Variants in UNC5C observed in about 807,000 individuals in gnomAD.
UNC5C encodes unc-5 netrin receptor C.
Under a neutral mutation model 99.8 loss-of-function variants are expected in UNC5C, and 47 were observed. The ratio of observed to expected loss-of-function variants is 0.47; its 90% confidence interval spans 0.37 to 0.60. The LOEUF (loss-of-function observed/expected upper bound fraction) is 0.60. Among genes scored for constraint, UNC5C ranks in the 20% least tolerant of loss-of-function variants. The probability of loss-of-function intolerance (pLI) is 0.00; values close to 1 mark genes in which losing one functional copy is unlikely to be tolerated. For missense variants in UNC5C, 1,062 were observed against 1,165.9 expected (o/e 0.91, Z 1.30); for synonymous variants, 487 against 452.2 (o/e 1.08, Z -0.98).
intron 1 of UNC5C, among the ~76,000 whole-genome samples, chr4:95,463,751 T>G (rs1048056889): frequency 1.3e-5 from 2 of 152,198 alleles, no homozygotes; most frequent in African/African-American, 4.8e-5. Context: ...ATCAATTCAT[T>G]TATTCAATAG....
intron 1 of UNC5C, among the ~76,000 whole-genome samples, chr4:95,488,415 G>A (rs1314880564): frequency 1.3e-5 from 2 of 151,714 alleles, no homozygotes; most frequent in Non-Finnish European, 2.9e-5. Context: ...CCAGCTCTCC[G>A]TAGCTTTTTA....
At chr4:95,511,729 C>G (rs929932999) in intron 1 of UNC5C, among the ~76,000 whole-genome samples, 6 of 152,074 alleles carry the variant, frequency 3.9e-5, no homozygotes, top group African/African-American at 1.4e-4. Flanking sequence ...ATCAACACTC[C>G]CTTCCCTTGA....
chr4:95,192,415 CTCACCTCCTCCCCTGT>C (rs1347375992), intron 12 of UNC5C, among the ~76,000 whole-genome samples: 2 of 116,114 alleles, frequency 1.7e-5, no homozygotes, highest in Non-Finnish European at 3.5e-5. Flanking sequence ...CTCCCCCCTT[CTCACCTCCTCCCCTGT>C]TCACCTCCTC....
Position 95,527,004 on chromosome 4 carries a change from G to A in UNC5C, c.124+21730C>T, listed in dbSNP as rs187477560. 1.4e-3 allele frequency among the ~76,000 whole-genome samples: 214 copies of A among 152,162 alleles called. 1 individual carries two copies. The highest frequency in any genetic ancestry group is 2.3e-3 in the Non-Finnish European group (157 of 67,922). ...CATGTCTTTAATACAGGCATAGTAT[G>A]ATAGCTTTTTAGGATAAAGTTTCAA... On this transcript the variant is annotated intron_variant, in intron 1 of 15. Coordinates refer to ENST00000453304, the MANE Select transcript of UNC5C (RefSeq NM_003728.4).
chr4:95,259,031 G>C (rs1740120674), intron 4 of UNC5C, among the ~76,000 whole-genome samples: 2 of 151,848 alleles, frequency 1.3e-5, no homozygotes, highest in South Asian at 4.2e-4. Flanking sequence ...AAAGTGCTGG[G>C]ATTACAGGCG....
intron 1 of UNC5C, among the ~76,000 whole-genome samples, chr4:95,352,664 G>T (rs1579350498): frequency 6.6e-6 from 1 of 152,076 alleles, no homozygotes; most frequent in Non-Finnish European, 1.5e-5. Context: ...CAGACTACAA[G>T]ATCGTTCAAA....
At position 95,267,949 on chromosome 4, in the gene UNC5C, A is replaced by ATTTTTTTTTTTTTTTTTTTTTTTTTTTT. The variant is rs869293955; in HGVS notation, c.594+10309_594+10310insAAAAAAAAAAAAAAAAAAAAAAAAAAAA. Among the ~76,000 whole-genome samples, 22 of 117,568 alleles carry ATTTTTTTTTTTTTTTTTTTTTTTTTTTT rather than the reference A, an allele frequency of 1.9e-4. 1 individual carries two copies. The highest frequency in any genetic ancestry group is 7.2e-4 in the African/African-American group (21 of 29,166). The allele number at this position is 117,568 out of a possible 152,430, so 77.1% of individuals were successfully genotyped here. The stretch of plus-strand genomic sequence containing the variant: ...ATGATCCTGTAGGCTGAATTTTGTG[A>ATTTTTTTTTTTTTTTTTTTTTTTTTTTT]TTTTTTTTTTTTTTTTTTGAGACGG... On this transcript the variant is annotated intron_variant, in intron 4 of 15. Transcript: ENST00000453304.
intron 4 of UNC5C, among the ~76,000 whole-genome samples, chr4:95,251,871 T>G (rs1446949227): frequency 6.7e-6 from 1 of 149,390 alleles, no homozygotes; most frequent in Non-Finnish European, 1.5e-5. Flanking sequence ...GAAGCCAACA[T>G]TTATAGAGAA....
chr4:95,542,512 A>G (rs924406396), intron 1 of UNC5C, among the ~76,000 whole-genome samples: 1 of 152,110 alleles, frequency 6.6e-6, no homozygotes, highest in African/African-American at 2.4e-5. Flanking sequence ...CTTTAACACT[A>G]TGTACTCCAT....
At chr4:95,192,443 C>G (rs1560723996) in intron 12 of UNC5C, among the ~76,000 whole-genome samples, 1 of 129,648 alleles carries the variant, frequency 7.7e-6, no homozygotes, top group Admixed American at 7.6e-5. Flanking sequence ...CACCTCCTCC[C>G]CTTCTCATCT....
At chr4:95,237,141 AT>A (rs557865114) in intron 7 of UNC5C, among the ~76,000 whole-genome samples, 7 of 152,068 alleles carry the variant, frequency 4.6e-5, no homozygotes, top group Non-Finnish European at 8.8e-5. Flanking sequence ...TAATTGTTGT[AT>A]TTTTTTATTG....
chr4:95,308,685 G>C (rs75277963), intron 2 of UNC5C, among the ~76,000 whole-genome samples: 49 of 145,434 alleles, frequency 3.4e-4, no homozygotes, highest in African/African-American at 1.2e-3. Flanking sequence ...CTGAGAGGTG[G>C]AGGTTTCAGT....
At chr4:95,346,289 A>C (rs556853562) in intron 1 of UNC5C, among the ~76,000 whole-genome samples, 84 of 152,152 alleles carry the variant, frequency 5.5e-4, no homozygotes, top group Non-Finnish European at 9.9e-4. Context: ...AGAAGTAATA[A>C]AAAGTCTCCC....
intron 1 of UNC5C, among the ~76,000 whole-genome samples, chr4:95,343,243 G>T (rs925501730): frequency 6.6e-6 from 1 of 152,082 alleles, no homozygotes; most frequent in Non-Finnish European, 1.5e-5. Context: ...ACCCAGCATT[G>T]TCCCAGTGTT....
intron 1 of UNC5C, among the ~76,000 whole-genome samples, chr4:95,508,667 G>A (rs1202230890): frequency 2.6e-5 from 4 of 151,858 alleles, no homozygotes; most frequent in Non-Finnish European, 5.9e-5. Flanking sequence ...AGTCTAGTTT[G>A]TTCCCAAAAA....
intron 1 of UNC5C, among the ~76,000 whole-genome samples, chr4:95,433,301 T>A (rs900202993): frequency 2.0e-5 from 3 of 152,116 alleles, no homozygotes; most frequent in African/African-American, 7.2e-5. Context: ...ATCAATTCCA[T>A]AAAAATAAAA....
In UNC5C at chr4:95,226,269, T is replaced by C. The variant is rs546888768; in HGVS notation, c.1109-6093A>G. 3.9e-5 allele frequency among the ~76,000 whole-genome samples: 6 copies of C among 152,344 alleles called. No individual in the cohort carries two copies. The East Asian group carries it at 1.2e-3, about 29-fold the overall frequency. ...GTGTCATGAACATCAGCTTGAATCC[T>C]AGCTCTGCCACTTAGCTGGGAGAGC... is the stretch of plus-strand genomic sequence containing the variant. On this transcript the variant is annotated intron_variant, in intron 7 of 15. Coordinates refer to ENST00000453304, the MANE Select transcript of UNC5C (RefSeq NM_003728.4).
intron 5 of UNC5C, among the ~76,000 whole-genome samples, chr4:95,249,467 T>G (rs1739615055): frequency 1.3e-5 from 2 of 152,216 alleles, no homozygotes; most frequent in African/African-American, 2.4e-5. Context: ...GTTGTTCAAT[T>G]TCCTCTGAGA....
At chr4:95,265,656 A>C (rs1579280879) in intron 4 of UNC5C, among the ~76,000 whole-genome samples, 1 of 152,340 alleles carries the variant, frequency 6.6e-6, no homozygotes, top group Admixed American at 6.5e-5. Context: ...TTATCAAATG[A>C]GATCACACAG....
Sources: gnomAD v4.1 joint callset for allele counts (sites outside exome capture counted in the v4.1 genomes callset) on GRCh38, gnomAD v4.1.1 for gene constraint, MANE v1.5 for transcripts, NCBI Gene and HGNC (gene_info 2026-07-23, HGNC 2026-07-21) for gene names.